The following FZD3 variants were observed in gnomAD, a reference collection of about 807,000 sequenced individuals.
FZD3 encodes the protein frizzled-3.
Under a neutral mutation model 60.7 loss-of-function variants are expected in FZD3, and 30 were observed. That is an observed-to-expected ratio of 0.49 (90% CI 0.37 to 0.67). FZD3 has a LOEUF of 0.67. Among genes scored for constraint, FZD3 ranks in the 30% least tolerant of loss-of-function variants. FZD3 has a pLI of 0.00. For synonymous variants in FZD3, 246 were observed against 275.2 expected (o/e 0.89, Z 1.05); for missense variants, 605 against 838.7 (o/e 0.72, Z 3.44).
In FZD3 at chr8:28,496,951, T is replaced by C. The variant is rs115396064; in HGVS notation, c.-391+2608T>C. Among the ~76,000 whole-genome samples the C allele has an allele frequency of 1.4e-3, 215 of 152,314 alleles. 1 individual carries two copies. The highest frequency in any genetic ancestry group is 5.1e-3 in the African/African-American group (210 of 41,568). ...ATTAGAGAATTTTTTTGATAGCAGA[T>C]TTAAGAGAAGCTGGGCTGAAATTTC... On this transcript the variant is annotated intron_variant, in intron 1 of 7. Transcript: ENST00000240093.
intron 4 of FZD3, among the ~76,000 whole-genome samples, chr8:28,523,639 G>A (rs975286435): frequency 5.3e-5 from 8 of 151,602 alleles, no homozygotes; most frequent in Admixed American, 2.0e-4. Flanking sequence ...GTCTTGCTTT[G>A]TTGCCCAGGG....
At chr8:28,557,465 C>T (rs1805532454) in intron 7 of FZD3, among the ~76,000 whole-genome samples, 1 of 151,966 alleles carries the variant, frequency 6.6e-6, no homozygotes, top group South Asian at 2.1e-4. Context: ...GAATCCGATT[C>T]TCTGTACTTT....
chr8:28,494,306 G>GCCCCCC lies in FZD3; in HGVS notation c.-426_-421dup, dbSNP rs3214597. On this transcript the variant is annotated 5_prime_UTR_variant, in exon 1 of 8. Coordinates refer to ENST00000240093, the MANE Select transcript of FZD3 (RefSeq NM_017412.4). ...GCGGCCGCCCGCGGCAGGCGGTGCA[G>GCCCCCC]CCCCCCCACCCCTTGGAGCCAGGCG... The GCCCCCC allele has an allele frequency of 6.6e-6, 1 of 151,350 alleles. No individual in the cohort carries two copies. The highest frequency in any genetic ancestry group is 2.4e-5 in the African/African-American group (1 of 41,232). 9.4% of individuals were successfully genotyped at this position (151,350 alleles called of 1,614,324 possible). A position where few individuals can be genotyped will look rare whatever the true frequency, so the allele number is the denominator to read the frequency against.
chr8:28,532,493 CAT>C (rs1359202274), intron 5 of FZD3, among the ~76,000 whole-genome samples: 1 of 152,154 alleles, frequency 6.6e-6, no homozygotes, highest in Non-Finnish European at 1.5e-5. Context: ...CAGTGGCAGT[CAT>C]AGTTCTCTGT....
intron 3 of FZD3, among the ~76,000 whole-genome samples, chr8:28,520,215 A>AAAC (rs1337280849): frequency 3.7e-5 from 4 of 108,292 alleles, no homozygotes; most frequent in South Asian, 3.3e-4. Context: ...ATCTCAAAAA[A>AAAC]AACAACAAAA....
chr8:28,520,934 G>A, intron 4 of FZD3, 100 bp downstream of exon 4: 1 of 703,994 alleles, frequency 1.4e-6, no homozygotes, highest in Admixed American at 2.8e-5. Context: ...TTTTTTTGAA[G>A]TGTACATATT....
chr8:28,544,953 C>T (rs925137021), intron 5 of FZD3, among the ~76,000 whole-genome samples: 2 of 152,150 alleles, frequency 1.3e-5, no homozygotes, highest in South Asian at 2.1e-4. Context: ...CGTTACGTAG[C>T]GAGAGGGCTC....
chr8:28,505,319 G>C (rs1804107303), intron 3 of FZD3: 1 of 154,208 alleles, frequency 6.5e-6, no homozygotes, highest in African/African-American at 2.4e-5. Context: ...CAGGCCCCAG[G>C]CTTTAAGCCT....
chr8:28,559,897 T>G (rs1805584070), intron 7 of FZD3, among the ~76,000 whole-genome samples: 1 of 152,228 alleles, frequency 6.6e-6, no homozygotes, highest in South Asian at 2.1e-4. Context: ...TGCTGGATAA[T>G]TATTGATCTC....
intron 5 of FZD3, among the ~76,000 whole-genome samples, chr8:28,545,918 T>C (rs1805283464): frequency 6.6e-6 from 1 of 152,338 alleles, no homozygotes; most frequent in Middle Eastern, 3.4e-3. Context: ...GGTGGTCCCA[T>C]AGGATTATAA....
chr8:28,519,931 C>A (rs1364935260), intron 3 of FZD3, among the ~76,000 whole-genome samples: 1 of 151,700 alleles, frequency 6.6e-6, no homozygotes, highest in African/African-American at 2.4e-5. Context: ...TAAAGGAGGC[C>A]AGGTGTGGTG....
chr8:28,541,035 T>C (rs931492548), intron 5 of FZD3, among the ~76,000 whole-genome samples: 1 of 152,252 alleles, frequency 6.6e-6, no homozygotes. Flanking sequence ...TATTTTTCTT[T>C]AGTAGGCTTT....
intron 5 of FZD3, among the ~76,000 whole-genome samples, chr8:28,537,378 G>A (rs1373088018): frequency 1.3e-5 from 2 of 152,190 alleles, no homozygotes; most frequent in East Asian, 3.8e-4. Context: ...TACCTGATAT[G>A]CAAATAGTTT....
intron 5 of FZD3, among the ~76,000 whole-genome samples, chr8:28,550,035 T>A (rs1272280155): frequency 1.3e-5 from 2 of 152,162 alleles, no homozygotes; most frequent in Non-Finnish European, 1.5e-5. Context: ...TTGCTTTATA[T>A]AAATAATTTT....
At chr8:28,560,452 G>T (rs756208953) in intron 7 of FZD3, among the ~76,000 whole-genome samples, 1 of 152,004 alleles carries the variant, frequency 6.6e-6, no homozygotes, top group Non-Finnish European at 1.5e-5. Context: ...TGGGCAGGTT[G>T]TTCATATTCT....
intron 3 of FZD3, among the ~76,000 whole-genome samples, chr8:28,508,777 G>C (rs899358833): frequency 1.2e-4 from 18 of 151,976 alleles, no homozygotes; most frequent in African/African-American, 4.4e-4. Flanking sequence ...CACCTGCCTT[G>C]GCCTACCAAA....
intron 7 of FZD3, among the ~76,000 whole-genome samples, chr8:28,556,504 A>G (rs866353283): frequency 6.6e-6 from 1 of 152,218 alleles, no homozygotes; most frequent in Non-Finnish European, 1.5e-5. Context: ...AACAGTGCCT[A>G]TCTCAGTGAG....
In FZD3 at chr8:28,564,015, G is replaced by A. The variant is rs1805662193; in HGVS notation, c.*1004G>A. 1 of 152,594 alleles carries A rather than the reference G, an allele frequency of 6.6e-6. No homozygotes were observed. The highest frequency in any genetic ancestry group is 1.5e-5 in the Non-Finnish European group (1 of 68,030). The allele number at this position is 152,594 out of a possible 1,614,324, so 9.5% of individuals were successfully genotyped here. A position where few individuals can be genotyped will look rare whatever the true frequency, so the allele number is the denominator to read the frequency against. ...TGTAGTGAGTTGATTGTCTGCACTT[G>A]CCTTGCCCAATAGCCAGTAGGCTAC... is the stretch of plus-strand genomic sequence containing the variant. On this transcript the variant is annotated 3_prime_UTR_variant, in exon 8 of 8. Coordinates refer to ENST00000240093, the MANE Select transcript of FZD3 (RefSeq NM_017412.4).
chr8:28,564,782 T>A lies in FZD3; in HGVS notation c.*1771T>A, dbSNP rs977014295. ...ATTCTAGACTCTGAAGAGGCCTGGC[T>A]CTGCCTTATGCTATTATAGTTTATG... On this transcript the variant is annotated 3_prime_UTR_variant, in exon 8 of 8. Coordinates refer to ENST00000240093, the MANE Select transcript of FZD3 (RefSeq NM_017412.4). 6.6e-6 allele frequency: 1 copy of A among 152,200 alleles called. No homozygotes were observed. The highest frequency in any genetic ancestry group is 2.4e-5 in the African/African-American group (1 of 41,452). The allele number at this position is 152,200 out of a possible 1,614,324, so 9.4% of individuals were successfully genotyped here.
Sources: allele counts gnomAD v4.1 joint callset (sites outside exome capture counted in the v4.1 genomes callset), GRCh38; gene constraint gnomAD v4.1.1; transcripts MANE v1.5; gene names NCBI Gene and HGNC (gene_info 2026-07-23, HGNC 2026-07-21).